NDUFAF6: variants seen among roughly 807,000 people sequenced by gnomAD.
The protein encoded by NDUFAF6 is NADH dehydrogenase (ubiquinone) complex I, assembly factor 6.
A neutral mutation model predicts 40.8 loss-of-function variants in NDUFAF6; 45 were observed. The observed-to-expected ratio is 1.10, with a 90% CI of 0.87 to 1.42. The LOEUF (loss-of-function observed/expected upper bound fraction) is 1.42, where lower values mean the gene tolerates loss of function less well. Among genes scored for constraint, NDUFAF6 ranks in the 40% most tolerant of loss-of-function variants. The pLI, the probability that NDUFAF6 is intolerant of heterozygous loss-of-function variation, is 0.00. For missense variants in NDUFAF6, 435 were observed against 418.5 expected, an observed-to-expected ratio of 1.04 and a Z score of -0.34; for synonymous variants, 185 against 155.9, an observed-to-expected ratio of 1.19 and a Z score of -1.39.
At chr8:95,079,944 A>T (rs1464426189), downstream of NDUFAF6, among the ~76,000 whole-genome samples, 4 of 134,172 alleles carry the variant, frequency 3.0e-5, 1 homozygote, top group Non-Finnish European at 6.4e-5. Context: ...TTGGTAGTGT[A>T]TTTTTGTAGT....
chr8:94,997,842 T>TA (rs1328002787), intron 2 of NDUFAF6, among the ~76,000 whole-genome samples: 1 of 152,236 alleles, frequency 6.6e-6, no homozygotes, highest in Non-Finnish European at 1.5e-5. Flanking sequence ...TCTAAACAGT[T>TA]ACAAAATTAG....
At chr8:94,981,836 G>C (rs1244735703) in intron 2 of NDUFAF6, among the ~76,000 whole-genome samples, 3 of 151,846 alleles carry the variant, frequency 2.0e-5, no homozygotes, top group Non-Finnish European at 4.4e-5. Context: ...TTTGGTCAAT[G>C]ATGGGCGCTT....
At chr8:95,040,305 G>T (rs919637630) in intron 3 of NDUFAF6, among the ~76,000 whole-genome samples, 1 of 152,108 alleles carries the variant, frequency 6.6e-6, no homozygotes, top group Non-Finnish European at 1.5e-5. Flanking sequence ...CACATGTAGA[G>T]GCACAATTCG....
Position 95,058,025 on chromosome 8 carries a change from T to G in NDUFAF6, c.*88T>G. On this transcript the variant is annotated 3_prime_UTR_variant, in exon 9 of 9. Coordinates refer to ENST00000396124, the MANE Select transcript of NDUFAF6 (RefSeq NM_152416.4). ...TTTAGGAACAACAGGAAATGACTGT[T>G]AAGGAGAAAATGAATTTATTGAATG... 6.6e-7 allele frequency: 1 copy of G among 1,511,758 alleles called. No individual in the cohort carries two copies. The highest frequency in any genetic ancestry group is 2.2e-4 in the Middle Eastern group (1 of 4,540). 93.6% of individuals were successfully genotyped at this position (1,511,758 alleles called of 1,614,324 possible).
intron 1 of NDUFAF6, 113 bp downstream of exon 1, chr8:95,025,318 G>T (rs1258445148): frequency 2.7e-6 from 3 of 1,110,292 alleles, no homozygotes; most frequent in African/African-American, 3.3e-5. Flanking sequence ...CCTTCCTCGT[G>T]CCCCTCTGGG....
chr8:94,972,047 A>G (rs1246577422), intron 1 of NDUFAF6, among the ~76,000 whole-genome samples: 2 of 152,242 alleles, frequency 1.3e-5, no homozygotes, highest in East Asian at 3.8e-4. Context: ...TGTTACCTCC[A>G]TCTTGCTTCC....
intron 7 of NDUFAF6, 36 bp downstream of exon 7, chr8:95,048,594 A>G (rs1831081028): frequency 7.1e-7 from 1 of 1,413,330 alleles, no homozygotes; most frequent in Non-Finnish European, 1.0e-6. Flanking sequence ...CATTTAGGGA[A>G]TAATCATTTC....
intron 1 of NDUFAF6, among the ~76,000 whole-genome samples, chr8:94,965,516 A>G (rs559204852): frequency 7.3e-4 from 111 of 152,344 alleles, no homozygotes; most frequent in African/African-American, 2.5e-3. Context: ...CAACCTTGGT[A>G]GAAGGGTGGG....
chr8:95,036,838 T>C (rs10097190), intron 3 of NDUFAF6, among the ~76,000 whole-genome samples: 1,956 of 152,332 alleles, frequency 0.013, 30 homozygotes, highest in African/African-American at 0.044. Context: ...TAAATTTTGA[T>C]GGTTAATGTT....
chr8:95,043,757 A>C (rs1388758692), intron 4 of NDUFAF6, among the ~76,000 whole-genome samples: 2 of 152,242 alleles, frequency 1.3e-5, no homozygotes, highest in Admixed American at 6.5e-5. Flanking sequence ...GAACAGGGAG[A>C]TGTTAAAACC....
At chr8:94,903,627 C>T (rs1413928606) in intron 1 of NDUFAF6, among the ~76,000 whole-genome samples, 1 of 152,054 alleles carries the variant, frequency 6.6e-6, no homozygotes, top group Admixed American at 6.5e-5. Context: ...ATCTTGGGTT[C>T]GGGGGGAGTT....
rs191720666 is a variant in NDUFAF6 at position 94,922,711 on chromosome 8, T to A, written c.-935-22772T>A. Reference sequence around the variant, plus strand: ...CCAGGCTGGTCTCGAACTCCTGACCTCAGGTGATCCACCCACCTCGGCCTC... The same window carrying A: ...CCAGGCTGGTCTCGAACTCCTGACCACAGGTGATCCACCCACCTCGGCCTC... On this transcript the variant is annotated intron_variant, in intron 1 of 14. Transcript: ENST00000396113. 2.8e-3 allele frequency among the ~76,000 whole-genome samples: 426 copies of A among 151,568 alleles called. 5 individuals carry two copies. Among genetic ancestry groups the A allele is most frequent in the African/African-American group, 1.0e-2 (412 of 41,282 alleles).
At chr8:95,082,563 ATC>A (rs779915658) in intron 2 of NDUFAF6, among the ~76,000 whole-genome samples, 1 of 110,750 alleles carries the variant, frequency 9.0e-6, no homozygotes, top group Admixed American at 1.4e-4. Flanking sequence ...TTATGAAATA[ATC>A]TCTCTCCTGT....
At chr8:94,956,070 T>C (rs1438314656), upstream of NDUFAF6, among the ~76,000 whole-genome samples, 2 of 152,216 alleles carry the variant, frequency 1.3e-5, no homozygotes, top group African/African-American at 4.8e-5. Flanking sequence ...CAGACCTTAG[T>C]GCAAGCTGAA....
chr8:94,943,665 C>A (rs150079448), intron 1 of NDUFAF6, among the ~76,000 whole-genome samples: 49 of 152,324 alleles, frequency 3.2e-4, no homozygotes, highest in African/African-American at 1.2e-3. Flanking sequence ...TAATGAGATT[C>A]CTGGTTCAGT....
chr8:95,033,818 A>C (rs938206518), intron 2 of NDUFAF6, among the ~76,000 whole-genome samples: 1 of 152,184 alleles, frequency 6.6e-6, no homozygotes, highest in Non-Finnish European at 1.5e-5. Context: ...GTGCCTGCTT[A>C]AAGAACAGAA....
At chr8:94,963,752 A>G (rs886123501) in intron 1 of NDUFAF6, among the ~76,000 whole-genome samples, 1 of 152,194 alleles carries the variant, frequency 6.6e-6, no homozygotes, top group African/African-American at 2.4e-5. Flanking sequence ...CAGCAGGTCT[A>G]GGGAGCCAGA....
At chr8:94,905,225 G>A (rs995257155) in intron 1 of NDUFAF6, among the ~76,000 whole-genome samples, 2 of 151,144 alleles carry the variant, frequency 1.3e-5, no homozygotes, top group Non-Finnish European at 2.9e-5. Context: ...CTTCTTCTTT[G>A]TGGCAGGATT....
chr8:94,906,312 C>T (rs1818388581), intron 1 of NDUFAF6, among the ~76,000 whole-genome samples: 1 of 152,144 alleles, frequency 6.6e-6, no homozygotes, highest in South Asian at 2.1e-4. Context: ...CGTCCCTTTC[C>T]CTGTGTCCCT....
Sources: allele counts gnomAD v4.1 joint callset (sites outside exome capture counted in the v4.1 genomes callset), GRCh38; gene constraint gnomAD v4.1.1; transcripts MANE v1.5; gene names NCBI Gene and HGNC (gene_info 2026-07-23, HGNC 2026-07-21).